RHOH: variants seen among roughly 807,000 people sequenced by gnomAD.
The protein encoded by RHOH is ras homolog family member H, also known as rho-related GTP-binding protein RhoH.
In RHOH, 6 loss-of-function variants were observed where a neutral mutation model predicts 13.8. That is an observed-to-expected ratio of 0.44 (90% CI 0.24 to 0.86). The LOEUF is 0.86. Among genes scored for constraint, RHOH ranks in the 40% least tolerant of loss-of-function variants. The pLI, the probability that RHOH is intolerant of heterozygous loss-of-function variation, is 0.24. For synonymous variants in RHOH, 117 were observed against 103.0 expected (o/e 1.14, Z -0.82); for missense variants, 147 against 244.5 (o/e 0.60, Z 2.66).
intron 1 of RHOH, among the ~76,000 whole-genome samples, chr4:40,212,986 G>A (rs959750654): frequency 1.3e-5 from 2 of 152,184 alleles, no homozygotes; most frequent in African/African-American, 2.4e-5. Flanking sequence ...ATCTCAGAGC[G>A]AGACGTGTGC....
rs1338761850 is a variant in RHOH at position 40,246,440 on chromosome 4, T to G, written c.*2478T>G. The G allele has an allele frequency of 3.5e-5, 4 of 113,630 alleles. No homozygotes were observed. Among genetic ancestry groups the G allele is most frequent in the African/African-American group, 5.2e-5 (2 of 38,670 alleles). The allele number at this position is 113,630 out of a possible 1,614,324, so 7.0% of individuals were successfully genotyped here. A position where few individuals can be genotyped will look rare whatever the true frequency, so the allele number is the denominator to read the frequency against. Reference sequence around the variant, plus strand: ...TGGGCAAAGACACACAGGTGAGACCTCCACCTGTTGGCGGGAGCCAAGCTT... The same window carrying G: ...TGGGCAAAGACACACAGGTGAGACCGCCACCTGTTGGCGGGAGCCAAGCTT... On this transcript the variant is annotated 3_prime_UTR_variant, in exon 3 of 3. Coordinates refer to ENST00000381799, the MANE Select transcript of RHOH (RefSeq NM_004310.5).
intron 1 of RHOH, among the ~76,000 whole-genome samples, chr4:40,215,948 A>G (rs761868574): frequency 5.3e-5 from 8 of 151,760 alleles, no homozygotes; most frequent in Non-Finnish European, 1.0e-4. Flanking sequence ...TAAAATATAT[A>G]TATTGGGGTC....
At chr4:40,213,663 G>A (rs1359924420) in intron 1 of RHOH, among the ~76,000 whole-genome samples, 2 of 152,114 alleles carry the variant, frequency 1.3e-5, no homozygotes, top group South Asian at 2.1e-4. Context: ...CCTGGGTAGC[G>A]ATTGCACTCA....
intron 1 of RHOH, among the ~76,000 whole-genome samples, chr4:40,199,230 A>G (rs1239820651): frequency 3.5e-5 from 5 of 144,176 alleles, no homozygotes. Context: ...TGCCTGACTG[A>G]AAAAAAAATC....
At chr4:40,227,117 A>G (rs916952461) in intron 1 of RHOH, among the ~76,000 whole-genome samples, 2 of 152,250 alleles carry the variant, frequency 1.3e-5, no homozygotes, top group African/African-American at 4.8e-5. Context: ...CGATCTCGCC[A>G]CTGCACTCCA....
At chr4:40,221,589 A>G (rs1726590026) in intron 1 of RHOH, among the ~76,000 whole-genome samples, 1 of 152,204 alleles carries the variant, frequency 6.6e-6, no homozygotes, top group Non-Finnish European at 1.5e-5. Context: ...TCATGCCCAT[A>G]TAAGATAGCA....
chr4:40,204,578 C>T (rs1358480953), intron 1 of RHOH, among the ~76,000 whole-genome samples: 1 of 152,120 alleles, frequency 6.6e-6, no homozygotes, highest in Admixed American at 6.6e-5. Flanking sequence ...ATATAAGGAC[C>T]CTCTAAAACC....
At chr4:40,201,027 T>C (rs1014025678) in intron 1 of RHOH, among the ~76,000 whole-genome samples, 1 of 152,156 alleles carries the variant, frequency 6.6e-6, no homozygotes, top group African/African-American at 2.4e-5. Flanking sequence ...CCCCATTTCG[T>C]AGAAAAGAAA....
At chr4:40,223,935 G>C (rs1275585332) in intron 1 of RHOH, among the ~76,000 whole-genome samples, 1 of 151,948 alleles carries the variant, frequency 6.6e-6, no homozygotes, top group Non-Finnish European at 1.5e-5. Context: ...ACCATGCCTG[G>C]CTAAGTTTGT....
At chr4:40,198,008 A>T (rs1723437162) in intron 1 of RHOH, among the ~76,000 whole-genome samples, 1 of 152,208 alleles carries the variant, frequency 6.6e-6, no homozygotes, top group African/African-American at 2.4e-5. Flanking sequence ...TATTGGTTCT[A>T]AGCTGGTGCC....
chr4:40,242,688 G>A (rs371999781), intron 1 of RHOH, 26 bp from the exon 2 acceptor site: 2 of 152,152 alleles, frequency 1.3e-5, no homozygotes, highest in South Asian at 2.1e-4. Context: ...AGTATCTGTC[G>A]CTCATAACGT....
At chr4:40,203,085 C>T (rs966476932) in intron 1 of RHOH, among the ~76,000 whole-genome samples, 1 of 152,156 alleles carries the variant, frequency 6.6e-6, no homozygotes, top group Non-Finnish European at 1.5e-5. Context: ...CATTCTCCTG[C>T]CTCAGCCTCC....
intron 1 of RHOH, among the ~76,000 whole-genome samples, chr4:40,229,916 G>T (rs1727699361): frequency 6.6e-6 from 1 of 151,868 alleles, no homozygotes; most frequent in South Asian, 2.1e-4. Flanking sequence ...AAATACAATT[G>T]ACAAATTGAT....
At position 40,218,769 on chromosome 4, in the gene RHOH, A is replaced by G. The variant is rs1470411817; in HGVS notation, c.-331+21469A>G. On this transcript the variant is annotated intron_variant, in intron 1 of 2. Coordinates refer to ENST00000381799, the MANE Select transcript of RHOH (RefSeq NM_004310.5). This position sits in a 1 kb window ranked among gnomAD's most constrained non-coding sequence, Gnocchi z 4.1. ...AGTTCAATGCCTCATTTTGCGGATG[A>G]AAAAACAGGTTTGGAGTGGCTAAAT... is the stretch of plus-strand genomic sequence containing the variant. 1.3e-5 allele frequency among the ~76,000 whole-genome samples: 2 copies of G among 152,210 alleles called. No homozygotes were observed. Among genetic ancestry groups the G allele is most frequent in the Non-Finnish European group, 2.9e-5 (2 of 68,030 alleles).
chr4:40,213,445 G>A (rs1005974679), intron 1 of RHOH, among the ~76,000 whole-genome samples: 4 of 151,418 alleles, frequency 2.6e-5, no homozygotes, highest in African/African-American at 7.3e-5. Context: ...AATGGAACAC[G>A]GAAGAGTCTT....
chr4:40,242,212 T>C (rs983916605), intron 1 of RHOH, among the ~76,000 whole-genome samples: 1 of 152,260 alleles, frequency 6.6e-6, no homozygotes, highest in Admixed American at 6.5e-5. Flanking sequence ...AGAATTTATT[T>C]GGCCTTTAAT....
rs1458376363 is a variant in RHOH at position 40,235,297 on chromosome 4, A to T, written c.-330-7417A>T. On this transcript the variant is annotated intron_variant, in intron 1 of 2. Coordinates refer to ENST00000381799, the MANE Select transcript of RHOH (RefSeq NM_004310.5). ...GGAAGCAACAGATGTCCTTTAAAACATCAAGAACTGGGCCGGACATGGTGG... is the reference window on the plus strand; with the variant it reads ...GGAAGCAACAGATGTCCTTTAAAACTTCAAGAACTGGGCCGGACATGGTGG... 3 of 152,288 alleles carry T rather than the reference A, an allele frequency of 2.0e-5. No homozygotes were observed. In the East Asian group the frequency reaches 5.8e-4, roughly 29 times the overall value. The allele number at this position is 152,288 out of a possible 1,614,324, so 9.4% of individuals were successfully genotyped here. A position where few individuals can be genotyped will look rare whatever the true frequency, so the allele number is the denominator to read the frequency against.
At chr4:40,228,987 T>C (rs765579696) in intron 1 of RHOH, among the ~76,000 whole-genome samples, 5 of 152,226 alleles carry the variant, frequency 3.3e-5, no homozygotes, top group African/African-American at 4.8e-5. Context: ...AGTTAGAAAG[T>C]TGAGTTTGGG....
intron 1 of RHOH, among the ~76,000 whole-genome samples, chr4:40,234,460 T>C (rs1728310833): frequency 1.3e-5 from 2 of 152,074 alleles, no homozygotes; most frequent in Admixed American, 6.6e-5. Context: ...GATTCCTTGA[T>C]TGTGCTCCTG....
Sources: gnomAD v4.1 joint callset for allele counts (sites outside exome capture counted in the v4.1 genomes callset) on GRCh38, gnomAD v4.1.1 for gene constraint, Gnocchi (gnomAD v3.1) non-coding constraint, MANE v1.5 for transcripts, NCBI Gene and HGNC (gene_info 2026-07-23, HGNC 2026-07-21) for gene names.